Variants in DPYD observed in about 807,000 individuals in gnomAD.
DPYD encodes the protein dihydropyrimidine dehydrogenase [NADP(+)].
Under a neutral mutation model 116.2 loss-of-function variants are expected in DPYD, and 109 were observed. The ratio of observed to expected loss-of-function variants is 0.94; its 90% CI spans 0.80 to 1.10. The LOEUF is 1.10. DPYD is among the 50% of genes least tolerant of loss of function. The pLI, the probability that DPYD is intolerant of heterozygous loss-of-function variation, is 0.00. For missense variants in DPYD, 1,302 were observed against 1,254.5 expected, an observed-to-expected ratio of 1.04 and a Z score of -0.57; for synonymous variants, 440 against 432.0, an observed-to-expected ratio of 1.02 and a Z score of -0.23.
intron 2 of DPYD, among the ~76,000 whole-genome samples, chr1:97,849,765 T>C (rs1352127597): frequency 6.6e-6 from 1 of 152,252 alleles, no homozygotes; most frequent in East Asian, 1.9e-4. Context: ...AGATCAGTTC[T>C]ATCTTTATTT....
At chr1:97,193,537 G>T (rs1165292409) in intron 19 of DPYD, among the ~76,000 whole-genome samples, 1 of 152,104 alleles carries the variant, frequency 6.6e-6, no homozygotes, top group Non-Finnish European at 1.5e-5. Flanking sequence ...AATAGCTACA[G>T]TTTATTATAT....
At chr1:97,080,411 C>T (rs1463998865) in intron 22 of DPYD, among the ~76,000 whole-genome samples, 1 of 151,856 alleles carries the variant, frequency 6.6e-6, no homozygotes, top group South Asian at 2.1e-4. Context: ...CCAAATGAAG[C>T]TGCATGCAAC....
intron 3 of DPYD, chr1:97,774,803 G>GA (rs1557951202): frequency 5.9e-6 from 1 of 170,502 alleles, no homozygotes; most frequent in Non-Finnish European, 1.4e-5. Flanking sequence ...AAAGAACTAG[G>GA]AAAAAAAATT....
At chr1:97,888,718 G>A (rs1472685382) in intron 1 of DPYD, among the ~76,000 whole-genome samples, 1 of 151,624 alleles carries the variant, frequency 6.6e-6, no homozygotes, top group East Asian at 2.0e-4. Flanking sequence ...AGAGAAGTGG[G>A]ATAAGACATA....
chr1:97,327,707 T>C (rs1405983649), intron 16 of DPYD, among the ~76,000 whole-genome samples: 1 of 152,040 alleles, frequency 6.6e-6, no homozygotes, highest in Non-Finnish European at 1.5e-5. Flanking sequence ...TTAACAGTCA[T>C]ATATTTCATA....
intron 3 of DPYD, among the ~76,000 whole-genome samples, chr1:97,784,988 G>A (rs1028060594): frequency 6.6e-6 from 1 of 152,102 alleles, no homozygotes; most frequent in African/African-American, 2.4e-5. Context: ...TAAGCTATTT[G>A]TAAAATATAA....
At chr1:97,900,270 A>G (rs1673295734) in intron 1 of DPYD, among the ~76,000 whole-genome samples, 1 of 151,854 alleles carries the variant, frequency 6.6e-6, no homozygotes. Context: ...TCTAGTATCT[A>G]TCTCTGGACT....
intron 22 of DPYD, 33 bp downstream of exon 22, chr1:97,082,297 C>T (rs988432945): frequency 2.4e-5 from 39 of 1,612,708 alleles, no homozygotes; most frequent in Non-Finnish European, 2.5e-5. Flanking sequence ...AGAAACATGT[C>T]TCATAGCATT....
intron 8 of DPYD, among the ~76,000 whole-genome samples, chr1:97,664,200 C>A (rs1659423260): frequency 6.6e-6 from 1 of 151,964 alleles, no homozygotes; most frequent in South Asian, 2.1e-4. Context: ...CTACTTTAAG[C>A]ACATGACTGT....
intron 12 of DPYD, among the ~76,000 whole-genome samples, chr1:97,538,531 G>T (rs1363561544): frequency 6.6e-6 from 1 of 152,080 alleles, no homozygotes; most frequent in East Asian, 1.9e-4. Flanking sequence ...CAAGCCAGAA[G>T]AAAATACACA....
intron 11 of DPYD, among the ~76,000 whole-genome samples, chr1:97,552,141 G>C (rs974529886): frequency 4.6e-5 from 7 of 151,956 alleles, no homozygotes; most frequent in Non-Finnish European, 7.4e-5. Flanking sequence ...ACTTGCATGG[G>C]ACTCTTTCAA....
intron 8 of DPYD, among the ~76,000 whole-genome samples, chr1:97,652,156 G>T (rs1320998844): frequency 6.6e-6 from 1 of 152,038 alleles, no homozygotes; most frequent in Non-Finnish European, 1.5e-5. Flanking sequence ...AAGGACAACT[G>T]ATTTAATCTA....
intron 19 of DPYD, among the ~76,000 whole-genome samples, chr1:97,195,582 ATATATATATATATGTG>A (rs1658709769): frequency 2.1e-5 from 1 of 47,938 alleles, no homozygotes; most frequent in East Asian, 3.4e-3. Flanking sequence ...ATATATATAT[ATATATATATATATGTG>A]TGTGTGTGTA....
intron 8 of DPYD, among the ~76,000 whole-genome samples, chr1:97,650,168 G>A (rs1046143016): frequency 2.0e-5 from 3 of 151,990 alleles, no homozygotes; most frequent in African/African-American, 7.2e-5. Context: ...GCTTTTCAAA[G>A]TGTTTCATTA....
At chr1:97,586,467 TATATATATATATATATATA>T (rs1417314211) in intron 10 of DPYD, among the ~76,000 whole-genome samples, 14 of 1,184 alleles carry the variant, frequency 0.012, no homozygotes, top group African/African-American at 0.024. Context: ...CATACATACA[TATATATATATATATATATA>T]TATATATATA....
intron 19 of DPYD, among the ~76,000 whole-genome samples, chr1:97,218,490 A>G (rs1660563141): frequency 6.6e-6 from 1 of 151,572 alleles, no homozygotes; most frequent in Non-Finnish European, 1.5e-5. Flanking sequence ...TTTGGTCTAG[A>G]GCTGGAGTCA....
chr1:97,349,034 G>A (rs1669996997), intron 16 of DPYD, among the ~76,000 whole-genome samples: 2 of 152,142 alleles, frequency 1.3e-5, no homozygotes, highest in African/African-American at 4.8e-5. Flanking sequence ...CTACGGAGTA[G>A]TGATTAAGTG....
At position 97,334,115 on chromosome 1, in the gene DPYD, A is replaced by T. The variant is rs565943579; in HGVS notation, c.2059-27818T>A. On this transcript the variant is annotated intron_variant, in intron 16 of 22. Coordinates refer to ENST00000370192, the MANE Select transcript of DPYD (RefSeq NM_000110.4). ...GAGGAAAATTATATATTATAATGATACTTGGGGATTTGAGAAGGTCTTGGG... is the reference window on the plus strand; with the variant it reads ...GAGGAAAATTATATATTATAATGATTCTTGGGGATTTGAGAAGGTCTTGGG... Among the ~76,000 whole-genome samples, 7 of 152,300 alleles carry T rather than the reference A, an allele frequency of 4.6e-5. No homozygotes were observed. The South Asian group carries it at 1.5e-3, about 32-fold the overall frequency.
chr1:97,170,623 CTCT>C (rs930617593), intron 20 of DPYD, among the ~76,000 whole-genome samples: 5 of 151,956 alleles, frequency 3.3e-5, no homozygotes, highest in African/African-American at 1.2e-4. Flanking sequence ...TGAAGGTCTT[CTCT>C]TCTTCATTAT....
Sources: gnomAD v4.1 joint callset for allele counts (sites outside exome capture counted in the v4.1 genomes callset) on GRCh38, gnomAD v4.1.1 for gene constraint, MANE v1.5 for transcripts, NCBI Gene and HGNC (gene_info 2026-07-23, HGNC 2026-07-21) for gene names.